Variants in SCAI observed in about 807,000 individuals in gnomAD.
SCAI encodes protein SCAI.
Under a neutral mutation model 92.2 loss-of-function variants are expected in SCAI, and 24 were observed. That is an observed-to-expected ratio of 0.26 (90% CI 0.19 to 0.37). SCAI has a LOEUF of 0.37. Ranked by LOEUF, SCAI falls within the 10% of genes least tolerant of loss-of-function variation. The pLI is 1.00. For synonymous variants in SCAI, 261 were observed against 258.6 expected (o/e 1.01, Z -0.09); for missense variants, 450 against 736.2 (o/e 0.61, Z 4.50).
chr9:125,034,264 G>A (rs1350821991), intron 3 of SCAI, among the ~76,000 whole-genome samples: 1 of 152,144 alleles, frequency 6.6e-6, no homozygotes, highest in Non-Finnish European at 1.5e-5. Context: ...ATATCAGTTG[G>A]AGCAGCCTAT....
At chr9:125,029,879 C>T (rs1332728599) in intron 3 of SCAI, 140 bp from the exon 4 acceptor site, 4 of 494,758 alleles carry the variant, frequency 8.1e-6, no homozygotes, top group Non-Finnish European at 1.4e-5. Context: ...CTTTTTGGAG[C>T]AGAAATAATT....
intron 9 of SCAI, among the ~76,000 whole-genome samples, chr9:125,010,060 T>TGGCCGAATAGGAACAGCTCC (rs1832598718): frequency 6.6e-6 from 1 of 152,182 alleles, no homozygotes; most frequent in Non-Finnish European, 1.5e-5. Flanking sequence ...GGAGCCAAGA[T>TGGCCGAATAGGAACAGCTCC]GGCCGAATAG....
chr9:125,038,730 T>C (rs1363014268), intron 3 of SCAI, among the ~76,000 whole-genome samples: 1 of 152,240 alleles, frequency 6.6e-6, no homozygotes, highest in Non-Finnish European at 1.5e-5. Flanking sequence ...TGAATATCAC[T>C]AGCTAAATGT....
chr9:125,082,915 G>A (rs1834251431), intron 2 of SCAI, among the ~76,000 whole-genome samples: 1 of 152,204 alleles, frequency 6.6e-6, no homozygotes. Flanking sequence ...TGAAACTTTG[G>A]ACTTTTGAGT....
intron 2 of SCAI, among the ~76,000 whole-genome samples, chr9:125,061,150 A>G (rs1288127036): frequency 2.0e-5 from 3 of 152,190 alleles, no homozygotes; most frequent in Non-Finnish European, 2.9e-5. Context: ...ACAAAAAATT[A>G]GCTGGGCGTG....
intron 2 of SCAI, among the ~76,000 whole-genome samples, chr9:125,068,900 A>G (rs78035996): frequency 0.02 from 3,044 of 152,144 alleles, 105 homozygotes; most frequent in African/African-American, 0.069. Context: ...AAGGAAGTAC[A>G]TAGGAAAGAA....
At chr9:125,084,639 C>G (rs186790630) in intron 2 of SCAI, among the ~76,000 whole-genome samples, 34 of 152,224 alleles carry the variant, frequency 2.2e-4, no homozygotes, top group South Asian at 1.7e-3. Context: ...CTAATTTGCA[C>G]AAAGGAACCA....
At chr9:125,071,759 A>C (rs1236918567) in intron 2 of SCAI, among the ~76,000 whole-genome samples, 1 of 152,200 alleles carries the variant, frequency 6.6e-6, no homozygotes, top group African/African-American at 2.4e-5. Context: ...AAGAACACAC[A>C]ATTGCTTGAT....
chr9:125,057,528 T>G lies in SCAI; in HGVS notation c.99-1521A>C, dbSNP rs1193314296. ...AGTAAAACTTAGGAAATCAGAATTC[T>G]CTTCCCTTCCTGAAAAATTCACTCT... is the stretch of plus-strand genomic sequence containing the variant. On this transcript the variant is annotated intron_variant, in intron 2 of 17. Transcript: ENST00000336505. 2.0e-5 allele frequency among the ~76,000 whole-genome samples: 3 copies of G among 152,336 alleles called. No homozygotes were observed. In the South Asian group the frequency reaches 6.2e-4, roughly 32 times the overall value.
Position 125,019,553 on chromosome 9 carries a change from C to T in SCAI, c.610-348G>A, listed in dbSNP as rs368882003. On this transcript the variant is annotated intron_variant, in intron 7 of 17. Coordinates refer to ENST00000336505, the MANE Select transcript of SCAI (RefSeq NM_001144877.3). ...AGTATCTCATACCTGTAATCCCAGC[C>T]CTTTGGGAGGTCGAGGTGGGAGGAT... Among the ~76,000 whole-genome samples the T allele has an allele frequency of 3.1e-4, 46 of 150,818 alleles. No individual in the cohort carries two copies. The South Asian group carries it at 6.3e-3, about 21-fold the overall frequency.
intron 2 of SCAI, among the ~76,000 whole-genome samples, chr9:125,101,839 C>G (rs1219848863): frequency 6.6e-6 from 1 of 152,168 alleles, no homozygotes; most frequent in Non-Finnish European, 1.5e-5. Context: ...AAATGTCAGT[C>G]AGCTAAACAG....
intron 5 of SCAI, 42 bp downstream of exon 5, chr9:125,028,350 A>T (rs551340680): frequency 9.0e-7 from 1 of 1,113,238 alleles, no homozygotes; most frequent in South Asian, 1.3e-5. Context: ...GCTGTGTTTT[A>T]ATCAGACAAC....
chr9:124,975,378 G>A (rs1038405663), intron 15 of SCAI: 2 of 456,660 alleles, frequency 4.4e-6, no homozygotes, highest in South Asian at 3.1e-5. Flanking sequence ...CTCCCACAGA[G>A]AGACATCAGC....
chr9:124,963,297 G>A (rs910285772), intron 17 of SCAI, among the ~76,000 whole-genome samples: 6 of 150,702 alleles, frequency 4.0e-5, no homozygotes, highest in African/African-American at 7.3e-5. Flanking sequence ...CACCATGCTC[G>A]GCTAATTTTT....
At position 125,026,914 on chromosome 9, in the gene SCAI, T is replaced by C. The variant is rs763351510; in HGVS notation, c.414-4A>G. The C allele has an allele frequency of 1.3e-6, 2 of 1,534,324 alleles. No homozygotes were observed. The highest frequency in any genetic ancestry group is 4.5e-5 in the East Asian group (2 of 44,448). ...GCTGGTTTCCGATGTGCGTAAGCTATGAGAAAAAATATATTTTTAAATATG... is the reference window on the plus strand; with the variant it reads ...GCTGGTTTCCGATGTGCGTAAGCTACGAGAAAAAATATATTTTTAAATATG... On this transcript the variant is annotated splice_polypyrimidine_tract_variant and splice_region_variant and intron_variant, in intron 5 of 17. Coordinates refer to ENST00000336505, the MANE Select transcript of SCAI (RefSeq NM_001144877.3).
chr9:125,094,252 C>T (rs925335986), intron 2 of SCAI, among the ~76,000 whole-genome samples: 4 of 152,178 alleles, frequency 2.6e-5, no homozygotes, highest in African/African-American at 9.7e-5. Context: ...ATATCCAAGA[C>T]TTTATCTCCT....
At chr9:125,074,793 T>A (rs1834053755) in intron 2 of SCAI, among the ~76,000 whole-genome samples, 1 of 151,566 alleles carries the variant, frequency 6.6e-6, no homozygotes, top group South Asian at 2.1e-4. Context: ...TCACCCGAAG[T>A]CAGGAGTTCG....
rs1470163342 is a variant in SCAI, at chr9:124,943,981, C to T, written c.*8826G>A. 6.6e-6 allele frequency: 1 copy of T among 152,198 alleles called. No individual in the cohort carries two copies. The highest frequency in any genetic ancestry group is 1.5e-5 in the Non-Finnish European group (1 of 68,032). The allele number at this position is 152,198 out of a possible 1,614,324, so 9.4% of individuals were successfully genotyped here. A position where few individuals can be genotyped will look rare whatever the true frequency, so the allele number is the denominator to read the frequency against. ...TAACCTATATGGATAAGTTATTTTACTTGTAAACTCTACTATGAAAATGTT... is the reference window on the plus strand; with the variant it reads ...TAACCTATATGGATAAGTTATTTTATTTGTAAACTCTACTATGAAAATGTT... On this transcript the variant is annotated 3_prime_UTR_variant, in exon 18 of 18. Coordinates refer to ENST00000336505, the MANE Select transcript of SCAI (RefSeq NM_001144877.3).
intron 17 of SCAI, 174 bp downstream of exon 17, chr9:124,971,196 A>AT (rs1831651407): frequency 4.8e-6 from 2 of 417,688 alleles, no homozygotes; most frequent in South Asian, 1.3e-4. Context: ...ACGTATTCAA[A>AT]TGTATTTTTT....
Sources: gnomAD v4.1 joint callset for allele counts (sites outside exome capture counted in the v4.1 genomes callset) on GRCh38, gnomAD v4.1.1 for gene constraint, MANE v1.5 for transcripts, NCBI Gene and HGNC (gene_info 2026-07-23, HGNC 2026-07-21) for gene names.